The following SSH2 variants were observed in gnomAD, a reference collection of about 807,000 sequenced individuals.
SSH2 encodes slingshot protein phosphatase 2.
A neutral mutation model predicts 135.2 loss-of-function variants in SSH2; 37 were observed. The observed-to-expected ratio is 0.27, with a 90% CI of 0.21 to 0.36. SSH2 has a LOEUF of 0.36. Ranked by LOEUF, SSH2 falls within the 10% of genes least tolerant of loss-of-function variation. The pLI is 1.00. For missense variants in SSH2, 1,408 were observed against 1,765.3 expected (o/e 0.80, Z 3.63); for synonymous variants, 628 against 646.2 (o/e 0.97, Z 0.43).
At chr17:29,748,372 A>C (rs1392355042) in intron 3 of SSH2, among the ~76,000 whole-genome samples, 2 of 152,230 alleles carry the variant, frequency 1.3e-5, no homozygotes, top group African/African-American at 4.8e-5. Flanking sequence ...GATGTAAACC[A>C]ATTTGATCAC....
Position 29,752,635 on chromosome 17 carries a change from A to G in SSH2, c.188+41259T>C, listed in dbSNP as rs572166950. 5.3e-5 allele frequency among the ~76,000 whole-genome samples: 8 copies of G among 152,276 alleles called. No homozygotes were observed. The South Asian group carries it at 1.7e-3, about 32-fold the overall frequency. On this transcript the variant is annotated intron_variant, in intron 3 of 15. Transcript: ENST00000540801. ...TGGCAAGAGGTTTTTAAAAAGCAACATGCAAAATCTTGAAATCATAAGATA... is the reference window on the plus strand; with the variant it reads ...TGGCAAGAGGTTTTTAAAAAGCAACGTGCAAAATCTTGAAATCATAAGATA...
chr17:29,836,210 T>C (rs1442889529), intron 2 of SSH2, among the ~76,000 whole-genome samples: 3 of 152,096 alleles, frequency 2.0e-5, no homozygotes, highest in Non-Finnish European at 4.4e-5. Context: ...TATCACTTAA[T>C]AGATGTGTGA....
At chr17:29,781,090 C>T (rs34790021) in intron 3 of SSH2, among the ~76,000 whole-genome samples, 1,922 of 151,498 alleles carry the variant, frequency 0.013, 22 homozygotes, top group Non-Finnish European at 0.02. Context: ...GGATTACAGG[C>T]GTGAGCCACG....
intron 2 of SSH2, among the ~76,000 whole-genome samples, chr17:29,845,478 A>C (rs1305357731): frequency 6.6e-6 from 1 of 152,266 alleles, no homozygotes; most frequent in Non-Finnish European, 1.5e-5. Context: ...AGCCAAGTAC[A>C]TGAAACAACT....
chr17:29,799,657 T>G (rs2042216269), intron 2 of SSH2, among the ~76,000 whole-genome samples: 1 of 152,128 alleles, frequency 6.6e-6, no homozygotes, highest in African/African-American at 2.4e-5. Context: ...TTTCTACCTA[T>G]GAGAATTGTG....
chr17:29,709,009 T>G (rs966786039), intron 3 of SSH2, among the ~76,000 whole-genome samples: 21 of 103,038 alleles, frequency 2.0e-4, no homozygotes, highest in African/African-American at 6.8e-4. Context: ...TATATATATA[T>G]ATATATAGAG....
At chr17:29,846,779 A>C (rs1162773773) in intron 2 of SSH2, among the ~76,000 whole-genome samples, 1 of 152,238 alleles carries the variant, frequency 6.6e-6, no homozygotes, top group Non-Finnish European at 1.5e-5. Flanking sequence ...GACACATCTT[A>C]CTTCAAGAGA....
chr17:29,640,884 A>C (rs2036130973), intron 14 of SSH2: 1 of 152,136 alleles, frequency 6.6e-6, no homozygotes, highest in Non-Finnish European at 1.5e-5. Flanking sequence ...AACTTTATAT[A>C]AATGGTATCC....
rs575501787 is a variant in SSH2, at chr17:29,853,092, T to C, written c.64-4163A>G. On this transcript the variant is annotated intron_variant, in intron 1 of 15. Coordinates refer to ENST00000540801, the MANE Select transcript of SSH2 (RefSeq NM_001282129.2). ...GCCTTAATTCACTGCAGAGATTTTT[T>C]TTTTTTTTTTTTTCCAGAGTCTCAC... 2.7e-5 allele frequency among the ~76,000 whole-genome samples: 4 copies of C among 150,716 alleles called. No individual in the cohort carries two copies. In the East Asian group the frequency reaches 7.8e-4, roughly 29 times the overall value.
chr17:29,872,398 C>T (rs530200379), intron 1 of SSH2, among the ~76,000 whole-genome samples: 27 of 152,292 alleles, frequency 1.8e-4, no homozygotes, highest in Admixed American at 2.6e-4. Context: ...AAATCTCCCT[C>T]CCTCCCAAAA....
chr17:29,714,650 T>C (rs1174918993), intron 3 of SSH2, among the ~76,000 whole-genome samples: 1 of 30,422 alleles, frequency 3.3e-5, no homozygotes, highest in East Asian at 2.0e-3. Context: ...GTCTCAAAAT[T>C]TTCTCATCCT....
In SSH2 at chr17:29,632,548, C is replaced by T. The variant is rs568693133; in HGVS notation, c.2646G>A (p.Met882Ile). ...CAGGGTACCACTTGGCACCTGGGTGCATCCCTGAGCCCTGGAGCTCTTGTT... is the reference window on the plus strand; with the variant it reads ...CAGGGTACCACTTGGCACCTGGGTGTATCCCTGAGCCCTGGAGCTCTTGTT... The part of the protein sequence containing the change: ...EGEQELQGSG[M>I]HPGAKWYPGS... Residue 882 changes from methionine to isoleucine, a missense_variant, in exon 16 of 16, where the codon ATG (methionine) becomes ATA (isoleucine). Around this residue, in one of 3 missense-constraint regions of SSH2, gnomAD observed 1,080 missense variants for 1,144.5 expected, o/e 0.94. Coordinates refer to ENST00000540801, the MANE Select transcript of SSH2 (RefSeq NM_001282129.2). 6.2e-7 allele frequency: 1 copy of T among 1,614,202 alleles called. No individual in the cohort carries two copies. The highest frequency in any genetic ancestry group is 8.5e-7 in the Non-Finnish European group (1 of 1,180,036).
chr17:29,643,413 C>A (rs1791616165), intron 14 of SSH2: 1 of 182,138 alleles, frequency 5.5e-6, no homozygotes, highest in Non-Finnish European at 9.4e-6. Flanking sequence ...TGTGAATACG[C>A]TTTTTTTTTT....
At chr17:29,924,493 T>TTTTA (rs1567657363) in intron 1 of SSH2, among the ~76,000 whole-genome samples, 1 of 152,052 alleles carries the variant, frequency 6.6e-6, no homozygotes, top group Non-Finnish European at 1.5e-5. Flanking sequence ...AAAACAAGAG[T>TTTTA]AAGCCTTCTT....
At chr17:29,866,102 C>CAAAAAAAAAAAAAAAAA (rs34216701) in intron 1 of SSH2, 1 of 113,710 alleles carries the variant, frequency 8.8e-6, no homozygotes. Flanking sequence ...AACTCCATCT[C>CAAAAAAAAAAAAAAAAA]AAAAAAAAAA....
intron 1 of SSH2, among the ~76,000 whole-genome samples, chr17:29,911,277 A>G (rs2066759844): frequency 1.8e-5 from 2 of 113,390 alleles, no homozygotes; most frequent in South Asian, 6.4e-4. Context: ...GAGATGGAAG[A>G]AACTGTGCCC....
At chr17:29,715,374 T>C (rs1446621055) in intron 3 of SSH2, among the ~76,000 whole-genome samples, 1 of 151,976 alleles carries the variant, frequency 6.6e-6, no homozygotes, top group African/African-American at 2.4e-5. Flanking sequence ...GCCTCCCGAA[T>C]AGTTAGGACT....
rs1365528246 is a variant in SSH2 at position 29,804,136 on chromosome 17, A to G, written c.145-10199T>C. On this transcript the variant is annotated intron_variant, in intron 2 of 15. Coordinates refer to ENST00000540801, the MANE Select transcript of SSH2 (RefSeq NM_001282129.2). ...ATTTTATAGAGATATGACATGCATT[A>G]AAGTAAAAACAAAGTCAGAGGATCC... 2.0e-5 allele frequency among the ~76,000 whole-genome samples: 3 copies of G among 152,248 alleles called. No individual in the cohort carries two copies. In the East Asian group the frequency reaches 5.8e-4, roughly 29 times the overall value.
chr17:29,897,185 T>C (rs898004138), intron 1 of SSH2, among the ~76,000 whole-genome samples: 4 of 151,904 alleles, frequency 2.6e-5, no homozygotes, highest in African/African-American at 9.7e-5. Context: ...ACATGCCAAA[T>C]TGTAAAGACC....
Sources: allele counts gnomAD v4.1 joint callset (sites outside exome capture counted in the v4.1 genomes callset), GRCh38; gene constraint gnomAD v4.1.1; regional missense constraint gnomAD v4.1.1; transcripts MANE v1.5; gene names NCBI Gene and HGNC (gene_info 2026-07-23, HGNC 2026-07-21).